SPMIP2: variants seen among roughly 807,000 people sequenced by gnomAD.
The protein encoded by SPMIP2 is sperm microtubule inner protein 2.
the SPMIP2 span, among the ~76,000 whole-genome samples, chr4:158,919,741 A>C: frequency 2.6e-5 from 4 of 152,226 alleles, no homozygotes; most frequent in South Asian, 2.1e-4. Flanking sequence ...TTATCCAGTA[A>C]GTAATAATCC....
chr4:158,972,939 ATG>A, the SPMIP2 span: 127 of 627,902 alleles, frequency 2.0e-4, no homozygotes, highest in South Asian at 2.5e-3. Flanking sequence ...TTATTCACAC[ATG>A]TGTCTTTCTG....
the SPMIP2 span, among the ~76,000 whole-genome samples, chr4:159,001,658 C>T: frequency 6.6e-6 from 1 of 152,240 alleles, no homozygotes; most frequent in East Asian, 1.9e-4. Flanking sequence ...TATCCATGTT[C>T]CCACAAAAGA....
the SPMIP2 span, chr4:158,907,709 G>GT: frequency 2.0e-5 from 3 of 152,124 alleles, no homozygotes; most frequent in African/African-American, 4.8e-5. Context: ...TGAACCATTT[G>GT]TTTTTTATTG....
chr4:158,915,500 C>T, the SPMIP2 span: 2 of 728,160 alleles, frequency 2.7e-6, no homozygotes, highest in South Asian at 3.9e-5. Flanking sequence ...GAAGACCTGA[C>T]CCATCCTGGG....
At chr4:158,959,312 G>A in the SPMIP2 span, among the ~76,000 whole-genome samples, 1 of 152,160 alleles carries the variant, frequency 6.6e-6, no homozygotes, top group South Asian at 2.1e-4. Context: ...TGCCTGCAAT[G>A]CTATCTAAAC....
At chr4:159,029,050 G>A in the SPMIP2 span, among the ~76,000 whole-genome samples, 18 of 152,124 alleles carry the variant, frequency 1.2e-4, no homozygotes, top group Non-Finnish European at 1.9e-4. Context: ...AGCTGAGATC[G>A]TGCCACTGCA....
At chr4:159,080,520 T>G in the SPMIP2 span, among the ~76,000 whole-genome samples, 1 of 152,106 alleles carries the variant, frequency 6.6e-6, no homozygotes, top group East Asian at 1.9e-4. Context: ...ATTGAGCCCC[T>G]TAATTGATTC....
chr4:159,082,072 CTT>C, the SPMIP2 span, among the ~76,000 whole-genome samples: 1 of 150,472 alleles, frequency 6.6e-6, no homozygotes, highest in Non-Finnish European at 1.5e-5. Flanking sequence ...AATCCCAACA[CTT>C]TGGGAGGAGA....
the SPMIP2 span, among the ~76,000 whole-genome samples, chr4:159,070,019 C>T: frequency 1.3e-5 from 2 of 151,556 alleles, no homozygotes; most frequent in African/African-American, 4.8e-5. Context: ...AGTAACCTCT[C>T]GCAAAGTACA....
the SPMIP2 span, among the ~76,000 whole-genome samples, chr4:159,045,232 A>T: frequency 6.6e-6 from 1 of 152,218 alleles, no homozygotes. Context: ...AATATTCCAG[A>T]TAAAATATTT....
the SPMIP2 span, among the ~76,000 whole-genome samples, chr4:158,999,634 C>T: frequency 6.6e-6 from 1 of 152,332 alleles, no homozygotes; most frequent in East Asian, 1.9e-4. Context: ...CCCTTCTCTA[C>T]TTAAGACACC....
chr4:159,007,929 A>C, the SPMIP2 span: 11 of 402,738 alleles, frequency 2.7e-5, no homozygotes, highest in Non-Finnish European at 5.4e-5. Context: ...GTTATCAGTA[A>C]AATGTCTTTA....
At chr4:158,995,661 A>C in the SPMIP2 span, among the ~76,000 whole-genome samples, 2 of 152,236 alleles carry the variant, frequency 1.3e-5, no homozygotes, top group South Asian at 4.2e-4. Flanking sequence ...GATCAAGACC[A>C]TCCTGGCCAA....
chr4:159,044,829 C>T, the SPMIP2 span, among the ~76,000 whole-genome samples: 4 of 152,198 alleles, frequency 2.6e-5, no homozygotes, highest in African/African-American at 9.7e-5. Context: ...CGATGGCTCA[C>T]GCCTATGATC....
chr4:158,956,571 T>C, the SPMIP2 span, among the ~76,000 whole-genome samples: 2 of 139,726 alleles, frequency 1.4e-5, no homozygotes, highest in African/African-American at 6.7e-5. Context: ...TCAAAAAAGA[T>C]AAATAAATAA....
the SPMIP2 span, among the ~76,000 whole-genome samples, chr4:158,915,928 A>C: frequency 6.6e-6 from 1 of 152,202 alleles, no homozygotes; most frequent in Non-Finnish European, 1.5e-5. Flanking sequence ...AGACAGAAAC[A>C]GGATTGTAAG....
chr4:158,965,719 G>A, the SPMIP2 span, among the ~76,000 whole-genome samples: 2 of 35,108 alleles, frequency 5.7e-5, no homozygotes, highest in South Asian at 1.7e-3. Flanking sequence ...TGAATAAGCT[G>A]GGAGTGGACA....
chr4:159,049,811 G>A, the SPMIP2 span, among the ~76,000 whole-genome samples: 2 of 152,130 alleles, frequency 1.3e-5, no homozygotes, highest in African/African-American at 4.8e-5. Context: ...TGATTTTTGT[G>A]TCTGTCTGGA....
chr4:159,041,078 T>A, the SPMIP2 span, among the ~76,000 whole-genome samples: 1 of 152,186 alleles, frequency 6.6e-6, no homozygotes, highest in Admixed American at 6.5e-5. Flanking sequence ...TAATACAAAT[T>A]TAAACAGCGA....
Sources: gnomAD v4.1 joint callset for allele counts (sites outside exome capture counted in the v4.1 genomes callset) on GRCh38, gnomAD v4.1.1 for gene constraint, MANE v1.5 for transcripts, NCBI Gene and HGNC (gene_info 2026-07-23, HGNC 2026-07-21) for gene names.